The following PLCB1 variants were observed in gnomAD, a reference collection of about 807,000 sequenced individuals.
PLCB1 encodes the protein phospholipase C beta 1, also known as 1-phosphatidylinositol 4,5-bisphosphate phosphodiesterase beta-1.
Under a neutral mutation model 161.8 loss-of-function variants are expected in PLCB1, and 46 were observed. The ratio of observed to expected loss-of-function variants is 0.28; its 90% CI spans 0.22 to 0.36. PLCB1 has a LOEUF of 0.36. PLCB1 is among the 10% of genes least tolerant of loss of function. The pLI is 1.00. For missense variants in PLCB1, 1,016 were observed against 1,472.5 expected, an observed-to-expected ratio of 0.69 and a Z score of 5.07; for synonymous variants, 517 against 503.7, an observed-to-expected ratio of 1.03 and a Z score of -0.35.
intron 2 of PLCB1, among the ~76,000 whole-genome samples, chr20:8,276,926 T>TTTCTTCTTCTTCTTCTTCTTCTTCTTC (rs752434070): frequency 6.7e-5 from 7 of 104,772 alleles, no homozygotes; most frequent in Non-Finnish European, 7.6e-5. Context: ...GTCTTCTTCT[T>TTTCTTCTTCTTCTTCTTCTTCTTCTTC]TTCTTCTTCT....
rs921226537 is a variant in PLCB1 at position 8,162,349 on chromosome 20, T to C, written c.177+11978T>C. 2.0e-4 allele frequency among the ~76,000 whole-genome samples: 30 copies of C among 152,340 alleles called. No individual in the cohort carries two copies. In the East Asian group the frequency reaches 2.9e-3, roughly 15 times the overall value. On this transcript the variant is annotated intron_variant, in intron 2 of 31. Coordinates refer to ENST00000338037, the MANE Select transcript of PLCB1 (RefSeq NM_015192.4). ...TAAGAATGACCTTATATAACTATTT[T>C]ATTTTATAGCTAATTTTTCATTTCT... is the stretch of plus-strand genomic sequence containing the variant.
At chr20:8,693,854 C>T (rs1990531693) in intron 10 of PLCB1, among the ~76,000 whole-genome samples, 1 of 152,158 alleles carries the variant, frequency 6.6e-6, no homozygotes, top group Non-Finnish European at 1.5e-5. Flanking sequence ...TGAGAAGTTG[C>T]AGAGCTGTGA....
chr20:8,869,614 A>T (rs552551445), intron 31 of PLCB1, among the ~76,000 whole-genome samples: 4 of 152,238 alleles, frequency 2.6e-5, no homozygotes, highest in African/African-American at 9.6e-5. Context: ...GAGAGAAATT[A>T]TAAGAGTCAT....
intron 3 of PLCB1, among the ~76,000 whole-genome samples, chr20:8,489,389 T>G (rs751604745): frequency 2.6e-5 from 4 of 152,158 alleles, no homozygotes; most frequent in Non-Finnish European, 5.9e-5. Context: ...GAGTATTGCA[T>G]AACTAAAATA....
chr20:8,320,943 A>G (rs1030071151), intron 2 of PLCB1, among the ~76,000 whole-genome samples: 7 of 151,638 alleles, frequency 4.6e-5, no homozygotes, highest in African/African-American at 1.7e-4. Flanking sequence ...AAGAGAAGAA[A>G]AGGAAGGAAG....
chr20:8,371,568 T>A, intron 3 of PLCB1, 118 bp downstream of exon 3: 1 of 646,302 alleles, frequency 1.5e-6, no homozygotes, highest in South Asian at 2.0e-5. Context: ...TAAAACACAA[T>A]AGCCAGTATG....
intron 2 of PLCB1, among the ~76,000 whole-genome samples, chr20:8,282,697 G>T (rs1216313575): frequency 6.6e-6 from 1 of 152,196 alleles, no homozygotes; most frequent in East Asian, 1.9e-4. Flanking sequence ...AAAGGGGTTG[G>T]TAGATGTTTT....
intron 9 of PLCB1, among the ~76,000 whole-genome samples, chr20:8,672,464 C>T (rs1274498548): frequency 7.0e-6 from 1 of 143,428 alleles, no homozygotes; most frequent in Admixed American, 7.1e-5. Flanking sequence ...TTCCTTGATC[C>T]TTTTTCCTTT....
At chr20:8,406,804 G>A (rs1224139543) in intron 3 of PLCB1, among the ~76,000 whole-genome samples, 1 of 152,168 alleles carries the variant, frequency 6.6e-6, no homozygotes, top group Non-Finnish European at 1.5e-5. Flanking sequence ...TTATGTGAGG[G>A]ATCAACTTAC....
At chr20:8,182,100 A>G (rs1174532040) in intron 2 of PLCB1, among the ~76,000 whole-genome samples, 1 of 152,248 alleles carries the variant, frequency 6.6e-6, no homozygotes, top group East Asian at 1.9e-4. Context: ...TAGCGTTCAC[A>G]GGAATTAGTC....
At chr20:8,708,782 C>G (rs1285901801) in intron 12 of PLCB1, 30 bp downstream of exon 12, 1 of 1,359,922 alleles carries the variant, frequency 7.4e-7, no homozygotes, top group Non-Finnish European at 1.1e-6. Context: ...AGGAATGAGT[C>G]TTTTTCCCGA....
At chr20:8,195,967 C>A (rs1255900129) in intron 2 of PLCB1, among the ~76,000 whole-genome samples, 1 of 152,102 alleles carries the variant, frequency 6.6e-6, no homozygotes, top group Non-Finnish European at 1.5e-5. Flanking sequence ...TGGAAACTTA[C>A]AATCATGGTG....
At chr20:8,181,579 A>G (rs1316220807) in intron 2 of PLCB1, among the ~76,000 whole-genome samples, 1 of 152,164 alleles carries the variant, frequency 6.6e-6, no homozygotes, top group South Asian at 2.1e-4. Context: ...CAAGTGATCT[A>G]TATTTTAGCT....
At chr20:8,681,392 G>T (rs750427107) in intron 9 of PLCB1, among the ~76,000 whole-genome samples, 2 of 151,938 alleles carry the variant, frequency 1.3e-5, no homozygotes, top group Non-Finnish European at 2.9e-5. Flanking sequence ...ATGGAATTTG[G>T]AGCTAAAGTT....
chr20:8,472,848 C>T (rs529073099), intron 3 of PLCB1, among the ~76,000 whole-genome samples: 2 of 152,036 alleles, frequency 1.3e-5, no homozygotes, highest in Non-Finnish European at 2.9e-5. Context: ...AAAGATAAAC[C>T]CCCACATCTC....
chr20:8,622,255 G>GAAAAAAA (rs564055950), intron 3 of PLCB1, among the ~76,000 whole-genome samples: 1 of 116,534 alleles, frequency 8.6e-6, no homozygotes. Flanking sequence ...TCTGCCTCAG[G>GAAAAAAA]AAAAAAAAAA....
intron 4 of PLCB1, among the ~76,000 whole-genome samples, chr20:8,638,652 C>A (rs981802701): frequency 6.6e-6 from 1 of 152,122 alleles, no homozygotes; most frequent in Non-Finnish European, 1.5e-5. Context: ...GCCTTTCCAA[C>A]CCCTCTGAAC....
chr20:8,780,718 C>T (rs963789639), intron 27 of PLCB1, among the ~76,000 whole-genome samples: 4 of 152,212 alleles, frequency 2.6e-5, no homozygotes, highest in African/African-American at 9.6e-5. Context: ...TGGACGAGCC[C>T]ACCAGGACAA....
chr20:8,870,933 T>TC (rs1409767571), intron 31 of PLCB1, among the ~76,000 whole-genome samples: 1 of 152,228 alleles, frequency 6.6e-6, no homozygotes, highest in African/African-American at 2.4e-5. Flanking sequence ...GTGGTGCTAT[T>TC]CACAGTGTGG....
Sources: allele counts gnomAD v4.1 joint callset (sites outside exome capture counted in the v4.1 genomes callset), GRCh38; gene constraint gnomAD v4.1.1; transcripts MANE v1.5; gene names NCBI Gene and HGNC (gene_info 2026-07-23, HGNC 2026-07-21).